Variants in TAFA1 observed in about 807,000 individuals in gnomAD.
The protein encoded by TAFA1 is chemokine-like protein TAFA-1.
A neutral mutation model predicts 18.5 loss-of-function variants in TAFA1; 4 were observed. That is an observed-to-expected ratio of 0.22 (90% CI 0.11 to 0.49). TAFA1 has a LOEUF of 0.49. Ranked by LOEUF, TAFA1 falls within the 20% of genes least tolerant of loss-of-function variation. The probability of loss-of-function intolerance (pLI) is 0.98; values close to 1 mark genes in which losing one functional copy is unlikely to be tolerated. For synonymous variants in TAFA1, 56 were observed against 55.2 expected (o/e 1.01, Z -0.06); for missense variants, 147 against 169.0 (o/e 0.87, Z 0.72).
chr3:68,464,543 T>C (rs2071848885), intron 3 of TAFA1, among the ~76,000 whole-genome samples: 1 of 152,052 alleles, frequency 6.6e-6, no homozygotes, highest in African/African-American at 2.4e-5. Flanking sequence ...CCCTTCTGGT[T>C]GGAGCAGTGA....
intron 4 of TAFA1, among the ~76,000 whole-genome samples, chr3:68,542,454 G>T (rs982831053): frequency 3.9e-5 from 6 of 151,978 alleles, no homozygotes; most frequent in Admixed American, 1.3e-4. Context: ...TATCAAATAC[G>T]TAAGTTTGAA....
intron 4 of TAFA1, among the ~76,000 whole-genome samples, chr3:68,540,737 A>G (rs1048330733): frequency 6.6e-6 from 1 of 152,232 alleles, no homozygotes; most frequent in Non-Finnish European, 1.5e-5. Flanking sequence ...GTGAAATTCC[A>G]AGAGTACCAA....
chr3:68,014,610 T>G (rs1186326928), intron 2 of TAFA1, among the ~76,000 whole-genome samples: 1 of 152,208 alleles, frequency 6.6e-6, no homozygotes, highest in African/African-American at 2.4e-5. Flanking sequence ...CCATAAACAG[T>G]GAAGTATATT....
intron 2 of TAFA1, among the ~76,000 whole-genome samples, chr3:68,092,358 T>C (rs570945803): frequency 6.6e-5 from 10 of 152,248 alleles, no homozygotes; most frequent in African/African-American, 1.9e-4. Flanking sequence ...TGACTTGTTA[T>C]AGAGAAAAAG....
chr3:68,214,212 C>T (rs947784135), intron 2 of TAFA1, among the ~76,000 whole-genome samples: 13 of 152,078 alleles, frequency 8.5e-5, no homozygotes, highest in Non-Finnish European at 1.6e-4. Context: ...AATGCTTTGT[C>T]TGTCCTTTTC....
At chr3:68,105,996 A>G (rs2065198810) in intron 2 of TAFA1, among the ~76,000 whole-genome samples, 1 of 152,066 alleles carries the variant, frequency 6.6e-6, no homozygotes, top group Non-Finnish European at 1.5e-5. Flanking sequence ...TTCAACCACA[A>G]TTTTCAATAT....
At chr3:68,046,540 A>G (rs2064387467) in intron 2 of TAFA1, among the ~76,000 whole-genome samples, 1 of 152,184 alleles carries the variant, frequency 6.6e-6, no homozygotes, top group African/African-American at 2.4e-5. Context: ...TTGTCCAGTT[A>G]GGGTCCAATT....
At chr3:68,205,586 C>T (rs1229161607) in intron 2 of TAFA1, among the ~76,000 whole-genome samples, 1 of 151,820 alleles carries the variant, frequency 6.6e-6, no homozygotes, top group Non-Finnish European at 1.5e-5. Context: ...GTGGACTGAG[C>T]ACGACCTTCA....
intron 2 of TAFA1, among the ~76,000 whole-genome samples, chr3:68,376,361 A>G (rs375350817): frequency 8.6e-5 from 13 of 151,850 alleles, no homozygotes; most frequent in East Asian, 7.7e-4. Context: ...CCAGGTATTA[A>G]GCCCAGTACC....
chr3:68,359,902 G>A (rs1053860105), intron 2 of TAFA1, among the ~76,000 whole-genome samples: 9 of 151,940 alleles, frequency 5.9e-5, no homozygotes, highest in African/African-American at 1.4e-4. Flanking sequence ...ACCTTGATAT[G>A]AGACATATTG....
At chr3:68,064,679 A>G (rs767375701) in intron 2 of TAFA1, among the ~76,000 whole-genome samples, 11 of 151,912 alleles carry the variant, frequency 7.2e-5, no homozygotes, top group Non-Finnish European at 1.3e-4. Flanking sequence ...TTGTCCAAGA[A>G]AGCTTCTTAA....
At chr3:68,419,881 C>T (rs758179026) in intron 3 of TAFA1, among the ~76,000 whole-genome samples, 4 of 152,128 alleles carry the variant, frequency 2.6e-5, no homozygotes, top group Admixed American at 2.0e-4. Context: ...TCGTGGAATT[C>T]GTAAATTCTT....
At chr3:68,097,897 A>G (rs2065104048) in intron 2 of TAFA1, among the ~76,000 whole-genome samples, 2 of 152,154 alleles carry the variant, frequency 1.3e-5, no homozygotes, top group South Asian at 4.1e-4. Flanking sequence ...GCACAATAAA[A>G]TATGGCCCCC....
At chr3:68,443,760 G>A (rs888126345) in intron 3 of TAFA1, among the ~76,000 whole-genome samples, 2 of 152,116 alleles carry the variant, frequency 1.3e-5, no homozygotes, top group African/African-American at 4.8e-5. Flanking sequence ...TACATATCAA[G>A]ATGATATTTG....
chr3:68,062,347 T>G (rs1014285012), intron 2 of TAFA1, among the ~76,000 whole-genome samples: 3 of 152,182 alleles, frequency 2.0e-5, no homozygotes, highest in African/African-American at 7.2e-5. Flanking sequence ...AGGCCCAATA[T>G]TGTGATCCTA....
intron 2 of TAFA1, among the ~76,000 whole-genome samples, chr3:68,183,467 G>A (rs1399965348): frequency 1.3e-5 from 2 of 152,128 alleles, no homozygotes; most frequent in African/African-American, 4.8e-5. Flanking sequence ...ATAGCTTGAT[G>A]AAGTTCCCAT....
intron 2 of TAFA1, among the ~76,000 whole-genome samples, chr3:68,207,356 A>G (rs1043128114): frequency 4.6e-5 from 7 of 151,978 alleles, no homozygotes; most frequent in African/African-American, 1.7e-4. Context: ...CTATTTTTAT[A>G]GACCATCAGA....
intron 3 of TAFA1, among the ~76,000 whole-genome samples, chr3:68,511,927 G>C (rs564329334): frequency 3.6e-4 from 55 of 151,982 alleles, no homozygotes; most frequent in Non-Finnish European, 6.9e-4. Flanking sequence ...CAATAACATA[G>C]ATAGCACTTA....
chr3:68,093,317 C>T (rs577759196), intron 2 of TAFA1, among the ~76,000 whole-genome samples: 357 of 152,206 alleles, frequency 2.3e-3, no homozygotes, highest in Non-Finnish European at 3.6e-3. Context: ...TTCCTCTTTC[C>T]TGTCCCATAA....
Sources: gnomAD v4.1 joint callset for allele counts (sites outside exome capture counted in the v4.1 genomes callset) on GRCh38, gnomAD v4.1.1 for gene constraint, MANE v1.5 for transcripts, NCBI Gene and HGNC (gene_info 2026-07-23, HGNC 2026-07-21) for gene names.